CCRL2: variants seen among roughly 807,000 people sequenced by gnomAD.
CCRL2 encodes the protein C-C chemokine receptor-like 2.
For missense variants in CCRL2, 451 were observed against 412.4 expected (o/e 1.09, Z -0.81); for synonymous variants, 181 against 165.6 (o/e 1.09, Z -0.71).
At chr3:46,407,588 T>G (rs778281783) in intron 1 of CCRL2, 86 bp downstream of exon 1, 177 of 1,131,520 alleles carry the variant, frequency 1.6e-4, no homozygotes, top group Non-Finnish European at 2.2e-4. Context: ...AAACATTTAT[T>G]TATACCCTTC....
Position 46,409,054 on chromosome 3 carries a change from C to CA in CCRL2, c.976dup (p.Arg326LysfsTer14). On this transcript the variant is annotated frameshift_variant, in exon 2 of 2. Coordinates refer to ENST00000399036, the MANE Select transcript of CCRL2 (RefSeq NM_003965.5). LOFTEE classifies it low-confidence loss of function (END_TRUNC). ...TGCGTAGTAACACCCCACTTCAACCCAGGGGGCAGTCTGCACAAGGCACAT... is the reference window on the plus strand; with the variant it reads ...TGCGTAGTAACACCCCACTTCAACCCAAGGGGGCAGTCTGCACAAGGCACAT... 1 of 1,614,166 alleles carries CA rather than the reference C, an allele frequency of 6.2e-7. No homozygotes were observed. Among genetic ancestry groups the CA allele is most frequent in the African/African-American group, 1.3e-5 (1 of 75,040 alleles).
intron 1 of CCRL2, 69 bp downstream of exon 1, chr3:46,407,571 C>T (rs1008235646): frequency 3.1e-6 from 3 of 972,562 alleles, no homozygotes; most frequent in Admixed American, 5.1e-5. Context: ...CATGGTTTCA[C>T]TTTTGCAAAC....
chr3:46,408,335 T>C lies in CCRL2; in HGVS notation c.256T>C (p.Cys86Arg), dbSNP rs1156382689. The C allele has an allele frequency of 6.2e-7, 1 of 1,614,254 alleles. No homozygotes were observed. The highest frequency in any genetic ancestry group is 8.5e-7 in the Non-Finnish European group (1 of 1,180,034). Reference protein sequence around the residue: ...YLLNLAVSNLCFLLTLPFWAH... With the variant: ...YLLNLAVSNLRFLLTLPFWAH... ...TCTAAACTTGGCAGTTTCTAACTTG[T>C]GTTTCTTGCTTACCCTGCCCTTCTG... Residue 86 changes from cysteine to arginine, a missense_variant, in exon 2 of 2, where the codon TGT (cysteine) becomes CGT (arginine). Transcript: ENST00000399036.
Position 46,408,925 on chromosome 3 carries a change from T to A in CCRL2, c.846T>A (p.Val282=), listed in dbSNP as rs1381167639. The A allele has an allele frequency of 6.2e-7, 1 of 1,614,146 alleles. No homozygotes were observed. The highest frequency in any genetic ancestry group is 2.2e-5 in the East Asian group (1 of 44,876). The part of the protein sequence containing the change: ...CKSSYNLDKS[V]HITKLIATTH... ...GCAGCTACAATCTGGACAAAAGTGT[T>A]CACATCACTAAACTCATCGCCACCA... is the stretch of plus-strand genomic sequence containing the variant. The change falls in exon 2 of 2, where the codon GTT becomes GTA. Residue 282 remains valine, a synonymous_variant. Coordinates refer to ENST00000399036, the MANE Select transcript of CCRL2 (RefSeq NM_003965.5).
intron 1 of CCRL2, chr3:46,407,762 C>T (rs1386837494): frequency 7.9e-6 from 10 of 1,270,962 alleles, no homozygotes; most frequent in Non-Finnish European, 1.1e-5. Context: ...GTAGGCAAGT[C>T]CTGTTTCTGC....
In CCRL2 at chr3:46,408,840, A is replaced by T. The variant is rs780882535; in HGVS notation, c.761A>T (p.Tyr254Phe). The T allele has an allele frequency of 1.2e-6, 2 of 1,614,064 alleles. No homozygotes were observed. The highest frequency in any genetic ancestry group is 3.3e-5 in the Admixed American group (2 of 60,004). The change falls in exon 2 of 2, where the codon TAC becomes TTC. Residue 254 changes from tyrosine to phenylalanine, a missense_variant. Tyr to Phe is a conservative substitution (Grantham distance 22). Coordinates refer to ENST00000399036, the MANE Select transcript of CCRL2 (RefSeq NM_003965.5). The stretch of plus-strand genomic sequence containing the variant: ...GTCTTCCTTCTGATGTGGGCGCCCT[A>T]CAATATTGCATTTTTCCTGTCCACT... ...MVVFLLMWAPYNIAFFLSTFK... is the reference protein window; with the variant it reads ...MVVFLLMWAPFNIAFFLSTFK...
Position 46,408,093 on chromosome 3 carries a change from C to G in CCRL2, c.14C>G (p.Thr5Arg). The stretch of plus-strand genomic sequence containing the variant: ...GGCAGTCTGAAGATGGCCAATTACA[C>G]GCTGGCACCAGAGGATGAATATGAT... MANYTLAPEDEYDVL... is the reference protein window; with the variant it reads MANYRLAPEDEYDVL... The change falls in exon 2 of 2, where the codon ACG becomes AGG. Residue 5 changes from threonine (T) to arginine (R), a missense_variant. Transcript: ENST00000399036. The G allele has an allele frequency of 6.3e-7, 1 of 1,577,842 alleles. No homozygotes were observed. Among genetic ancestry groups the G allele is most frequent in the Non-Finnish European group, 8.6e-7 (1 of 1,161,532 alleles).
chr3:46,409,159 C>T lies in CCRL2; in HGVS notation c.*45C>T. ...AAGAAGAATAAACATGGATTTTCAT[C>T]TTTCTGCATTATTTCATGTAAATTT... On this transcript the variant is annotated 3_prime_UTR_variant, in exon 2 of 2. Coordinates refer to ENST00000399036, the MANE Select transcript of CCRL2 (RefSeq NM_003965.5). 1 of 1,479,180 alleles carries T rather than the reference C, an allele frequency of 6.8e-7. No individual in the cohort carries two copies. The highest frequency in any genetic ancestry group is 9.2e-7 in the Non-Finnish European group (1 of 1,083,002). The allele number at this position is 1,479,180 out of a possible 1,614,324, so 91.6% of individuals were successfully genotyped here. A position where few individuals can be genotyped will look rare whatever the true frequency, so the allele number is the denominator to read the frequency against.
chr3:46,407,480 C>G lies in CCRL2; in HGVS notation c.-35C>G, dbSNP rs113709301. On this transcript the variant is annotated 5_prime_UTR_variant, in exon 1 of 2. Coordinates refer to ENST00000399036, the MANE Select transcript of CCRL2 (RefSeq NM_003965.5). ...GCTGGGTCTGGAGGCTGCGCCCTTCCCCTGCAGGAGCTCAGCCCAGTGGTA... is the reference window on the plus strand; with the variant it reads ...GCTGGGTCTGGAGGCTGCGCCCTTCGCCTGCAGGAGCTCAGCCCAGTGGTA... 11,145 of 596,020 alleles carry G rather than the reference C, an allele frequency of 0.019. 1,038 individuals are homozygous for G. In the African/African-American group the frequency reaches 0.2, roughly 11 times the overall value. The allele number at this position is 596,020 out of a possible 1,614,324, so 36.9% of individuals were successfully genotyped here. A position where few individuals can be genotyped will look rare whatever the true frequency, so the allele number is the denominator to read the frequency against.
rs569537650 is a variant in CCRL2 at position 46,407,330 on chromosome 3, G to C, written c.-185G>C. ...TTTATTTCAGTTGGTCCCTGAGCTC[G>C]GTGAGTGGGGCGGGTAGAGCCACCA... On this transcript the variant is annotated 5_prime_UTR_variant, in exon 1 of 2. Coordinates refer to ENST00000399036, the MANE Select transcript of CCRL2 (RefSeq NM_003965.5). 1 of 304,666 alleles carries C rather than the reference G, an allele frequency of 3.3e-6. No homozygotes were observed. The highest frequency in any genetic ancestry group is 2.2e-5 in the African/African-American group (1 of 45,152). The allele number at this position is 304,666 out of a possible 1,614,324, so 18.9% of individuals were successfully genotyped here.
In CCRL2 at chr3:46,408,813, T is replaced by C. The variant is rs761479343; in HGVS notation, c.734T>C (p.Val245Ala). 6.2e-7 allele frequency: 1 copy of C among 1,614,174 alleles called. No homozygotes were observed. Among genetic ancestry groups the C allele is most frequent in the South Asian group, 1.1e-5 (1 of 91,080 alleles). The change falls in exon 2 of 2, where the codon GTA becomes GCA. Residue 245 changes from valine to alanine, a missense_variant. Val to Ala is a moderately conservative substitution (Grantham distance 64, BLOSUM62 0). Transcript: ENST00000399036. ...SLFKLVFAIM[V>A]VFLLMWAPYN... Reference sequence around the variant, plus strand: ...TTCAAGCTTGTTTTTGCCATAATGGTAGTCTTCCTTCTGATGTGGGCGCCC... The same window carrying C: ...TTCAAGCTTGTTTTTGCCATAATGGCAGTCTTCCTTCTGATGTGGGCGCCC...
Position 46,408,696 on chromosome 3 carries a change from T to A in CCRL2, c.617T>A (p.Ile206Asn). The change falls in exon 2 of 2, where the codon ATT becomes AAT. Residue 206 changes from isoleucine to asparagine, a missense_variant. Physicochemically the swap from Ile to Asn is moderately radical, Grantham distance 149. Transcript: ENST00000399036. ...CATTTTCTGACTTTAAAAATGAACA[T>A]TTCGGTTCTTGTCCTCCCCCTATTT... is the stretch of plus-strand genomic sequence containing the variant. ...WKHFLTLKMN[I>N]SVLVLPLFIF... 1 of 1,614,224 alleles carries A rather than the reference T, an allele frequency of 6.2e-7. No individual in the cohort carries two copies. Among genetic ancestry groups the A allele is most frequent in the Non-Finnish European group, 8.5e-7 (1 of 1,180,038 alleles).
At position 46,408,507 on chromosome 3, in the gene CCRL2, G is replaced by T. The variant is rs749122539; in HGVS notation, c.428G>T (p.Arg143Met). ...AAGGGAAACTTTTTCTCAGCCAGGAGGAGGGTGCCCTGTGGCATCATTACA... is the reference window on the plus strand; with the variant it reads ...AAGGGAAACTTTTTCTCAGCCAGGATGAGGGTGCCCTGTGGCATCATTACA... The part of the protein sequence containing the change: ...LHKGNFFSAR[R>M]RVPCGIITSV... Residue 143 changes from arginine to methionine, a missense_variant, in exon 2 of 2, where the codon AGG (arginine) becomes ATG (methionine). By Grantham distance (91) the Arg-to-Met change is moderately conservative (BLOSUM62 -1). Transcript: ENST00000399036. 6.2e-7 allele frequency: 1 copy of T among 1,614,234 alleles called. No homozygotes were observed. Among genetic ancestry groups the T allele is most frequent in the Admixed American group, 1.7e-5 (1 of 60,034 alleles).
At chr3:46,407,639 G>A (rs1406793124) in intron 1 of CCRL2, 137 bp downstream of exon 1, 1 of 1,539,328 alleles carries the variant, frequency 6.5e-7, no homozygotes, top group South Asian at 1.2e-5. Context: ...GCTGCTTCGG[G>A]GGGTGAGCAA....
Position 46,408,354 on chromosome 3 carries a change from C to A in CCRL2, c.275C>A (p.Pro92His). 1 of 1,614,264 alleles carries A rather than the reference C, an allele frequency of 6.2e-7. No individual in the cohort carries two copies. The change falls in exon 2 of 2, where the codon CCC becomes CAC. Residue 92 changes from proline (P) to histidine (H), a missense_variant. By Grantham distance (77) the Pro-to-His change is moderately conservative. Coordinates refer to ENST00000399036, the MANE Select transcript of CCRL2 (RefSeq NM_003965.5). ...AACTTGTGTTTCTTGCTTACCCTGC[C>A]CTTCTGGGCTCATGCTGGGGGCGAT... ...VSNLCFLLTL[P>H]FWAHAGGDPM...
chr3:46,409,421 C>G lies in CCRL2; in HGVS notation c.*307C>G. On this transcript the variant is annotated 3_prime_UTR_variant, in exon 2 of 2. Coordinates refer to ENST00000399036, the MANE Select transcript of CCRL2 (RefSeq NM_003965.5). ...ACTAGGAAGTGGCAGAACTGATTCT[C>G]CAGCCCTGGTAGCATTTGCTCAGAG... 1 of 376,498 alleles carries G rather than the reference C, an allele frequency of 2.7e-6. No homozygotes were observed. Among genetic ancestry groups the G allele is most frequent in the South Asian group, 4.4e-5 (1 of 22,520 alleles). The allele number at this position is 376,498 out of a possible 1,614,324, so 23.3% of individuals were successfully genotyped here. A position where few individuals can be genotyped will look rare whatever the true frequency, so the allele number is the denominator to read the frequency against.
chr3:46,408,750 G>C lies in CCRL2; in HGVS notation c.671G>C (p.Arg224Thr). 1 of 1,614,128 alleles carries C rather than the reference G, an allele frequency of 6.2e-7. No individual in the cohort carries two copies. Among genetic ancestry groups the C allele is most frequent in the Non-Finnish European group, 8.5e-7 (1 of 1,180,022 alleles). Residue 224 changes from arginine (R) to threonine (T), a missense_variant, in exon 2 of 2, where the codon AGA becomes ACA. Coordinates refer to ENST00000399036, the MANE Select transcript of CCRL2 (RefSeq NM_003965.5). The part of the protein sequence containing the change: ...FIFTFLYVQM[R>T]KTLRFREQRY... ...TTTACATTTCTCTATGTGCAAATGA[G>C]AAAAACACTAAGGTTCAGGGAGCAG...
Position 46,408,767 on chromosome 3 carries a change from A to G in CCRL2, c.688A>G (p.Arg230Gly). The change falls in exon 2 of 2, where the codon AGG becomes GGG. Residue 230 changes from arginine (R) to glycine (G), a missense_variant. Arg to Gly is a moderately radical substitution (Grantham distance 125). Coordinates refer to ENST00000399036, the MANE Select transcript of CCRL2 (RefSeq NM_003965.5). ...GCAAATGAGAAAAACACTAAGGTTCAGGGAGCAGAGGTATAGCCTTTTCAA... is the reference window on the plus strand; with the variant it reads ...GCAAATGAGAAAAACACTAAGGTTCGGGGAGCAGAGGTATAGCCTTTTCAA... Reference protein sequence around the residue: ...YVQMRKTLRFREQRYSLFKLV... With the variant: ...YVQMRKTLRFGEQRYSLFKLV... 2 of 1,614,226 alleles carry G rather than the reference A, an allele frequency of 1.2e-6. No individual in the cohort carries two copies. The highest frequency in any genetic ancestry group is 1.7e-6 in the Non-Finnish European group (2 of 1,180,032).
At chr3:46,407,622 A>G (rs1186982117) in intron 1 of CCRL2, 120 bp downstream of exon 1, 5 of 1,501,088 alleles carry the variant, frequency 3.3e-6, no homozygotes, top group Non-Finnish European at 4.5e-6. Flanking sequence ...CTCAGCTGTC[A>G]CAGGAAGCTG....
Sources: gnomAD v4.1 joint callset for allele counts on GRCh38, gnomAD v4.1.1 for gene constraint, MANE v1.5 for transcripts, NCBI Gene and HGNC (gene_info 2026-07-23, HGNC 2026-07-21) for gene names.